FAM20C: variants seen among roughly 807,000 people sequenced by gnomAD.
FAM20C encodes extracellular serine/threonine protein kinase FAM20C.
A neutral mutation model predicts 51.5 loss-of-function variants in FAM20C; 40 were observed. That is an observed-to-expected ratio of 0.78 (90% CI 0.60 to 1.01). The LOEUF (loss-of-function observed/expected upper bound fraction) is 1.01. Among genes scored for constraint, FAM20C ranks in the 50% least tolerant of loss-of-function variants. The pLI is 0.00. For missense variants in FAM20C, 861 were observed against 844.7 expected (o/e 1.02, Z -0.24); for synonymous variants, 406 against 380.6 (o/e 1.07, Z -0.78).
In FAM20C at chr7:241,556, T is replaced by TTGTGTGTG. The variant is rs1221493976; in HGVS notation, c.864-4842_864-4835dup. On this transcript the variant is annotated intron_variant, in intron 3 of 9. Transcript: ENST00000313766. ...CTCCGACAGCACTGTTCTGTGGGGG[T>TTGTGTGTG]TGTGTGTGTGTGTGTGTGTGTGTGC... Among the ~76,000 whole-genome samples, 1,097 of 149,038 alleles carry TTGTGTGTG rather than the reference T, an allele frequency of 7.4e-3. 6 individuals carry two copies. Among genetic ancestry groups the TTGTGTGTG allele is most frequent in the African/African-American group, 1.0e-2 (405 of 40,690 alleles).
At chr7:256,510 T>C in intron 6 of FAM20C, 144 bp from the exon 7 acceptor site, 2 of 683,506 alleles carry the variant, frequency 2.9e-6, no homozygotes, top group Non-Finnish European at 5.0e-6. Context: ...CTCCCGCTAA[T>C]GCAGCCTCAG....
chr7:256,141 G>C (rs1788582340), intron 6 of FAM20C, 112 bp downstream of exon 6: 1 of 1,310,258 alleles, frequency 7.6e-7, no homozygotes, highest in Non-Finnish European at 1.0e-6. Flanking sequence ...TGGGTGCAGA[G>C]CCTGCTGTGC....
chr7:236,723 G>T (rs1211053810), intron 3 of FAM20C, among the ~76,000 whole-genome samples: 1 of 151,012 alleles, frequency 6.6e-6, no homozygotes, highest in Admixed American at 6.6e-5. Flanking sequence ...GGTGAGGCGG[G>T]TGCCCTGGAA....
intron 9 of FAM20C, among the ~76,000 whole-genome samples, chr7:258,966 C>G (rs1788758102): frequency 6.6e-6 from 1 of 152,266 alleles, no homozygotes; most frequent in South Asian, 2.1e-4. Flanking sequence ...ACCCCAGTTA[C>G]AGAGAGAGCT....
Position 193,536 on chromosome 7 carries a change from G to A in FAM20C, c.337G>A (p.Ala113Thr), listed in dbSNP as rs1406196632. ...CCACTCGCTGGAGAAACTGCCGCCCGCGGCCGAGCCGGCCGAGCGCGCCTT... is the reference window on the plus strand; with the variant it reads ...CCACTCGCTGGAGAAACTGCCGCCCACGGCCGAGCCGGCCGAGCGCGCCTT... ...SSHSLEKLPP[A>T]AEPAERALRG... The change falls in exon 1 of 10, where the codon GCG becomes ACG. Residue 113 changes from alanine (A) to threonine (T), a missense_variant. Coordinates refer to ENST00000313766, the MANE Select transcript of FAM20C (RefSeq NM_020223.4). The A allele has an allele frequency of 1.3e-6, 2 of 1,495,084 alleles. No individual in the cohort carries two copies. The highest frequency in any genetic ancestry group is 1.5e-5 in the African/African-American group (1 of 68,604). 92.6% of individuals were successfully genotyped at this position (1,495,084 alleles called of 1,614,324 possible).
intron 3 of FAM20C, chr7:228,322 G>A: frequency 2.6e-6 from 1 of 379,916 alleles, no homozygotes; most frequent in East Asian, 7.3e-5. Flanking sequence ...CAGGTTCATT[G>A]GAAAAGCTTG....
At chr7:199,569 C>T (rs1022081870) in intron 2 of FAM20C, among the ~76,000 whole-genome samples, 5 of 152,218 alleles carry the variant, frequency 3.3e-5, no homozygotes, top group African/African-American at 7.2e-5. Context: ...ACGATGCCTG[C>T]GAGTCTCCAA....
chr7:195,619 C>T lies in FAM20C; in HGVS notation c.671C>T (p.Pro224Leu). ...SPGEAAVDSY[P>L]NWLKFHIGIN... ...GGGGAGGCGGCCGTGGACTCCTATC[C>T]CAACTGGCTCAAGTTCCACATTGGT... Residue 224 changes from proline (P) to leucine (L), a missense_variant, in exon 2 of 10, where the codon CCC (proline) becomes CTC (leucine). Physicochemically the swap from Pro to Leu is moderately conservative, Grantham distance 98. Coordinates refer to ENST00000313766, the MANE Select transcript of FAM20C (RefSeq NM_020223.4). 2 of 1,609,970 alleles carry T rather than the reference C, an allele frequency of 1.2e-6. No homozygotes were observed. The highest frequency in any genetic ancestry group is 1.7e-6 in the Non-Finnish European group (2 of 1,178,154).
chr7:194,078 A>T, intron 1 of FAM20C: 1 of 432,924 alleles, frequency 2.3e-6, no homozygotes, highest in Non-Finnish European at 4.0e-6. Flanking sequence ...AGTCCTGACC[A>T]GCCGTGGTCA....
chr7:244,752 G>C (rs1410426401), intron 3 of FAM20C, among the ~76,000 whole-genome samples: 9 of 152,356 alleles, frequency 5.9e-5, no homozygotes, highest in Admixed American at 5.9e-4. Flanking sequence ...AGTAGCTCCT[G>C]GAATCCTCAT....
At chr7:200,198 T>C (rs1428205602) in intron 2 of FAM20C, among the ~76,000 whole-genome samples, 3 of 152,138 alleles carry the variant, frequency 2.0e-5, no homozygotes, top group African/African-American at 7.2e-5. Flanking sequence ...CAGCGCCAGC[T>C]CCAGAAAGGC....
chr7:258,691 A>G lies in FAM20C; in HGVS notation c.1491A>G (p.Leu497=). The part of the protein sequence containing the change: ...SHDELSILVP[L]QQCCRIRKST... Reference sequence around the variant, plus strand: ...ACGAGCTCTCCATCCTGGTGCCGCTACAGCAGTGCTGCAGGTACAGCCCCT... The same window carrying G: ...ACGAGCTCTCCATCCTGGTGCCGCTGCAGCAGTGCTGCAGGTACAGCCCCT... Residue 497 remains leucine, a synonymous_variant, in exon 9 of 10, where the codon CTA becomes CTG. Transcript: ENST00000313766. 2.6e-6 allele frequency: 4 copies of G among 1,536,450 alleles called. No homozygotes were observed. Among genetic ancestry groups the G allele is most frequent in the Non-Finnish European group, 3.5e-6 (4 of 1,146,392 alleles).
At chr7:251,714 C>T (rs146148951) in intron 5 of FAM20C, among the ~76,000 whole-genome samples, 5,840 of 152,244 alleles carry the variant, frequency 0.038, 170 homozygotes, top group South Asian at 0.098. Flanking sequence ...TCCCTTCTCA[C>T]GTCTCCCTGG....
chr7:257,800 T>TG (rs1788652303), intron 8 of FAM20C, among the ~76,000 whole-genome samples: 1 of 50,588 alleles, frequency 2.0e-5, no homozygotes, highest in Non-Finnish European at 4.2e-5. Context: ...GGAGATGGGC[T>TG]GGGTGGACCC....
At chr7:196,310 G>A (rs1405498190) in intron 2 of FAM20C, among the ~76,000 whole-genome samples, 1 of 152,222 alleles carries the variant, frequency 6.6e-6, no homozygotes, top group Non-Finnish European at 1.5e-5. Context: ...CAGGTACTTT[G>A]GGATCTGCTG....
Position 259,821 on chromosome 7 carries a change from C to G in FAM20C, c.1596C>G (p.Asp532Glu). The G allele has an allele frequency of 6.5e-7, 1 of 1,536,430 alleles. No individual in the cohort carries two copies. Residue 532 changes from aspartate to glutamate, a missense_variant, in exon 10 of 10, where the codon GAC becomes GAG. Around this residue, in one of 3 missense-constraint regions of FAM20C, gnomAD observed 269 missense variants for 283.8 expected, o/e 0.95. Coordinates refer to ENST00000313766, the MANE Select transcript of FAM20C (RefSeq NM_020223.4). ...SLLMAESLRG[D>E]QVAPVLYQPH... ...TGATGGCCGAGTCTCTGCGGGGGGA[C>G]CAGGTGGCACCCGTGCTGTACCAGC... is the stretch of plus-strand genomic sequence containing the variant.
At chr7:251,814 T>C (rs942597470) in intron 5 of FAM20C, among the ~76,000 whole-genome samples, 1 of 152,088 alleles carries the variant, frequency 6.6e-6, no homozygotes, top group African/African-American at 2.4e-5. Context: ...CGCAAGTTTC[T>C]CCCCTGAAAT....
intron 3 of FAM20C, among the ~76,000 whole-genome samples, chr7:235,994 A>G (rs1053330719): frequency 1.3e-5 from 2 of 152,222 alleles, no homozygotes; most frequent in African/African-American, 4.8e-5. Flanking sequence ...TGACTCCTGG[A>G]AAAGGAGACC....
At chr7:208,357 G>GT (rs1219644623) in intron 2 of FAM20C, among the ~76,000 whole-genome samples, 1 of 135,380 alleles carries the variant, frequency 7.4e-6, no homozygotes, top group East Asian at 2.3e-4. Context: ...TGTACTGTAG[G>GT]GTGTGGTGTG....
Sources: gnomAD v4.1 joint callset for allele counts (sites outside exome capture counted in the v4.1 genomes callset) on GRCh38, gnomAD v4.1.1 for gene constraint, gnomAD v4.1.1 regional missense constraint, MANE v1.5 for transcripts, NCBI Gene and HGNC (gene_info 2026-07-23, HGNC 2026-07-21) for gene names.